STK3: variants seen among roughly 807,000 people sequenced by gnomAD.
STK3 encodes serine/threonine kinase 3.
A neutral mutation model predicts 58.0 loss-of-function variants in STK3; 41 were observed. That is an observed-to-expected ratio of 0.71 (90% CI 0.55 to 0.92). The LOEUF (loss-of-function observed/expected upper bound fraction) is 0.92, where lower values mean the gene tolerates loss of function less well. Among genes scored for constraint, STK3 ranks in the 40% least tolerant of loss-of-function variants. The probability of loss-of-function intolerance (pLI) is 0.00; values close to 1 mark genes in which losing one functional copy is unlikely to be tolerated. For synonymous variants in STK3, 170 were observed against 191.0 expected (o/e 0.89, Z 0.91); for missense variants, 479 against 602.7 (o/e 0.79, Z 2.15).
intron 4 of STK3, among the ~76,000 whole-genome samples, chr8:98,727,372 G>A (rs1377532811): frequency 4.6e-5 from 7 of 152,190 alleles, no homozygotes; most frequent in Admixed American, 4.6e-4. Context: ...ATGAATTCAA[G>A]TAATTCCTCT....
chr8:98,365,337 A>G, the STK3 span, among the ~76,000 whole-genome samples: 2 of 152,224 alleles, frequency 1.3e-5, no homozygotes, highest in Non-Finnish European at 2.9e-5. Flanking sequence ...TGTCTCAGAG[A>G]CAAGATAAAA....
intron 6 of STK3, among the ~76,000 whole-genome samples, chr8:98,699,424 G>A (rs1469106288): frequency 6.6e-6 from 1 of 152,186 alleles, no homozygotes; most frequent in Non-Finnish European, 1.5e-5. Context: ...TTCCTTTGGA[G>A]GAGGAGAGGC....
At chr8:98,928,415 A>C (rs1839884257) in intron 1 of STK3, among the ~76,000 whole-genome samples, 1 of 152,238 alleles carries the variant, frequency 6.6e-6, no homozygotes, top group African/African-American at 2.4e-5. Context: ...AAACAAGACA[A>C]TTGCAAAGCT....
At chr8:98,811,875 T>G (rs908019672) in intron 1 of STK3, among the ~76,000 whole-genome samples, 1 of 152,246 alleles carries the variant, frequency 6.6e-6, no homozygotes, top group Admixed American at 6.5e-5. Flanking sequence ...CAGGCTGGAG[T>G]GCAGTGGCAC....
At chr8:98,669,216 C>T (rs978246035) in intron 6 of STK3, among the ~76,000 whole-genome samples, 4 of 151,954 alleles carry the variant, frequency 2.6e-5, no homozygotes, top group Non-Finnish European at 1.5e-5. Context: ...AGGCTGGTCT[C>T]GAACTCCTGA....
chr8:98,699,165 G>A (rs1243554909), intron 6 of STK3, among the ~76,000 whole-genome samples: 2 of 152,098 alleles, frequency 1.3e-5, no homozygotes, highest in African/African-American at 4.8e-5. Context: ...GGCTCCTGAG[G>A]CTTCTGCATT....
At chr8:98,569,929 G>T (rs1331489252) in intron 8 of STK3, among the ~76,000 whole-genome samples, 1 of 149,452 alleles carries the variant, frequency 6.7e-6, no homozygotes, top group Non-Finnish European at 1.5e-5. Flanking sequence ...GTGTGTGTGT[G>T]TGTGTATGTA....
In STK3 at chr8:98,864,896, T is replaced by G. The variant is rs188648776; in HGVS notation, c.110+18751A>C. ...CTGCTTCCACTCCTTCTATTACAGC[T>G]ACATTTCAGTCAGAAAGAAAGAAGA... is the stretch of plus-strand genomic sequence containing the variant. On this transcript the variant is annotated intron_variant, in intron 3 of 12. Transcript: ENST00000523601. Among the ~76,000 whole-genome samples, 230 of 152,292 alleles carry G rather than the reference T, an allele frequency of 1.5e-3. 1 individual carries two copies. The highest frequency in any genetic ancestry group is 2.8e-3 in the Non-Finnish European group (191 of 68,018).
chr8:98,499,235 C>A (rs1218393811), intron 10 of STK3, among the ~76,000 whole-genome samples: 1 of 152,172 alleles, frequency 6.6e-6, no homozygotes, highest in African/African-American at 2.4e-5. Flanking sequence ...GTCTCCAGAG[C>A]AAGTGTGGCC....
chr8:98,814,037 C>A (rs541534162), intron 1 of STK3, among the ~76,000 whole-genome samples: 82 of 152,168 alleles, frequency 5.4e-4, no homozygotes, highest in African/African-American at 1.7e-3. Flanking sequence ...AAAAAGGCAA[C>A]TGAATCTTTA....
intron 10 of STK3, among the ~76,000 whole-genome samples, chr8:98,506,157 G>A (rs547416251): frequency 6.6e-6 from 1 of 152,312 alleles, no homozygotes; most frequent in Non-Finnish European, 1.5e-5. Context: ...ATCTCAGACT[G>A]CTGCACTAGC....
At chr8:98,499,780 T>C (rs1312031312) in intron 10 of STK3, among the ~76,000 whole-genome samples, 1 of 152,228 alleles carries the variant, frequency 6.6e-6, no homozygotes, top group Non-Finnish European at 1.5e-5. Context: ...GTCCTACAAT[T>C]ATATACAATG....
At chr8:98,903,833 C>T (rs567336511) in intron 1 of STK3, among the ~76,000 whole-genome samples, 14 of 152,074 alleles carry the variant, frequency 9.2e-5, no homozygotes, top group African/African-American at 1.7e-4. Flanking sequence ...ATTCAAAATA[C>T]GTTTTTTATC....
chr8:98,825,929 G>T (rs1236382146), upstream of STK3, among the ~76,000 whole-genome samples: 5 of 147,400 alleles, frequency 3.4e-5, no homozygotes, highest in African/African-American at 1.2e-4. Context: ...ACGGAGCCGG[G>T]CACCGCGGCG....
intron 1 of STK3, among the ~76,000 whole-genome samples, chr8:98,818,720 C>T (rs1834705992): frequency 6.6e-6 from 1 of 152,154 alleles, no homozygotes; most frequent in Non-Finnish European, 1.5e-5. Context: ...TTGTAATTCT[C>T]ATTTTGCTAT....
intron 6 of STK3, among the ~76,000 whole-genome samples, chr8:98,662,054 A>C (rs1180670058): frequency 6.6e-6 from 1 of 152,110 alleles, no homozygotes; most frequent in Non-Finnish European, 1.5e-5. Context: ...TTTTGTCCCT[A>C]GTATACGCAA....
the STK3 span, among the ~76,000 whole-genome samples, chr8:98,356,079 C>A: frequency 6.6e-6 from 1 of 152,164 alleles, no homozygotes; most frequent in East Asian, 1.9e-4. Flanking sequence ...CTGCAGCATG[C>A]CTATCCTACC....
At chr8:98,805,508 G>A (rs1435176827) in intron 1 of STK3, among the ~76,000 whole-genome samples, 3 of 152,090 alleles carry the variant, frequency 2.0e-5, no homozygotes, top group Admixed American at 6.5e-5. Context: ...CCAGGAGGCA[G>A]AGTTGCAGTG....
At chr8:98,609,757 G>A (rs201493297) in intron 6 of STK3, among the ~76,000 whole-genome samples, 1 of 151,972 alleles carries the variant, frequency 6.6e-6, no homozygotes. Flanking sequence ...TCAGGAGATC[G>A]AGACCATCCT....
Sources: allele counts gnomAD v4.1 joint callset (sites outside exome capture counted in the v4.1 genomes callset), GRCh38; gene constraint gnomAD v4.1.1; transcripts MANE v1.5; gene names NCBI Gene and HGNC (gene_info 2026-07-23, HGNC 2026-07-21).